NCKAP1: variants seen among roughly 807,000 people sequenced by gnomAD.
The protein encoded by NCKAP1 is NCK associated protein 1.
A neutral mutation model predicts 151.2 loss-of-function variants in NCKAP1; 21 were observed. The observed-to-expected ratio is 0.14, with a 90% CI of 0.10 to 0.20. The LOEUF is 0.20. NCKAP1 is among the 10% of genes least tolerant of loss of function. The pLI is 1.00. For missense variants in NCKAP1, 933 were observed against 1,352.1 expected, an observed-to-expected ratio of 0.69 and a Z score of 4.86; for synonymous variants, 484 against 451.8, an observed-to-expected ratio of 1.07 and a Z score of -0.90.
At chr2:182,982,401 TAC>T (rs1394858664) in intron 12 of NCKAP1, among the ~76,000 whole-genome samples, 4 of 152,114 alleles carry the variant, frequency 2.6e-5, no homozygotes, top group African/African-American at 9.7e-5. Context: ...GTGCACAACT[TAC>T]AGTGATTTGG....
chr2:183,003,139 T>C, intron 3 of NCKAP1, 94 bp downstream of exon 3: 1 of 1,284,590 alleles, frequency 7.8e-7, no homozygotes, highest in Non-Finnish European at 1.1e-6. Flanking sequence ...AGAATTTCAA[T>C]TTTATTATTT....
chr2:183,034,717 T>C (rs994322895), intron 1 of NCKAP1, among the ~76,000 whole-genome samples: 3 of 152,182 alleles, frequency 2.0e-5, no homozygotes, highest in Non-Finnish European at 4.4e-5. Flanking sequence ...CTGTGAAGTA[T>C]GTAGGGCAGG....
intron 2 of NCKAP1, among the ~76,000 whole-genome samples, chr2:183,014,236 G>A (rs1698641964): frequency 6.6e-6 from 1 of 152,104 alleles, no homozygotes. Context: ...TGAATAATCA[G>A]TGGAGAATGT....
intron 9 of NCKAP1, among the ~76,000 whole-genome samples, chr2:182,988,038 T>A (rs1329868698): frequency 2.0e-5 from 3 of 152,220 alleles, no homozygotes; most frequent in Non-Finnish European, 4.4e-5. Flanking sequence ...CTAAGATGTA[T>A]GTATTTTTCT....
Position 182,986,227 on chromosome 2 carries a change from G to A in NCKAP1, c.948C>T (p.Gly316=). 1.9e-6 allele frequency: 3 copies of A among 1,612,450 alleles called. No homozygotes were observed. The highest frequency in any genetic ancestry group is 2.5e-6 in the Non-Finnish European group (3 of 1,178,738). Residue 316 remains glycine, a splice_region_variant and synonymous_variant, in exon 10 of 31, where the codon GGC becomes GGT. Coordinates refer to ENST00000361354, the MANE Select transcript of NCKAP1 (RefSeq NM_013436.5). ...AAEDLFVNIR[G]YNKRINDIRE... ...TTATGTCATTAATACGTTTATTATA[G>A]CTAGGTGCAAAAACAAATTAGAACG...
At chr2:182,998,508 A>G (rs1414297845) in intron 6 of NCKAP1, among the ~76,000 whole-genome samples, 1 of 152,064 alleles carries the variant, frequency 6.6e-6, no homozygotes, top group Non-Finnish European at 1.5e-5. Flanking sequence ...ATTTCTATAC[A>G]CTAATAACAT....
chr2:182,997,466 T>C (rs1187863275), intron 6 of NCKAP1, among the ~76,000 whole-genome samples: 1 of 152,196 alleles, frequency 6.6e-6, no homozygotes, highest in Non-Finnish European at 1.5e-5. Flanking sequence ...TTTCAAAGAA[T>C]TTTTTTATTT....
At chr2:182,928,692 C>T in intron 28 of NCKAP1, 91 bp downstream of exon 28, 1 of 803,484 alleles carries the variant, frequency 1.2e-6, no homozygotes, top group Admixed American at 2.8e-5. Context: ...GTTCCACTGC[C>T]AGTTAGTGGC....
chr2:182,950,273 C>T (rs1697187666), intron 23 of NCKAP1, among the ~76,000 whole-genome samples: 1 of 152,164 alleles, frequency 6.6e-6, no homozygotes, highest in Non-Finnish European at 1.5e-5. Context: ...TACCATGATA[C>T]TGTATCCATC....
intron 18 of NCKAP1, among the ~76,000 whole-genome samples, chr2:182,961,232 GTA>G (rs1198514038): frequency 6.6e-6 from 1 of 152,110 alleles, no homozygotes; most frequent in Non-Finnish European, 1.5e-5. Context: ...CCATTACTGG[GTA>G]TATACCCAAA....
intron 2 of NCKAP1, among the ~76,000 whole-genome samples, chr2:183,016,854 G>A (rs75498940): frequency 6.6e-6 from 1 of 152,126 alleles, no homozygotes; most frequent in Non-Finnish European, 1.5e-5. Flanking sequence ...ATCAATGTTT[G>A]GATTAACATG....
intron 26 of NCKAP1, among the ~76,000 whole-genome samples, chr2:182,931,983 T>C (rs75469879): frequency 0.027 from 4,032 of 152,146 alleles, 80 homozygotes; most frequent in Non-Finnish European, 0.04. Flanking sequence ...CAAGTATTAG[T>C]GAAGATGCAG....
intron 17 of NCKAP1, among the ~76,000 whole-genome samples, chr2:182,964,359 G>A (rs1321234795): frequency 1.3e-5 from 2 of 152,068 alleles, no homozygotes; most frequent in Non-Finnish European, 2.9e-5. Flanking sequence ...TTCCATGACA[G>A]TTTAAGAGGA....
chr2:183,020,809 G>A (rs545513469), intron 2 of NCKAP1, among the ~76,000 whole-genome samples: 1 of 152,192 alleles, frequency 6.6e-6, no homozygotes, highest in South Asian at 2.1e-4. Flanking sequence ...AATTCAATAA[G>A]TTAAAAAATA....
intron 2 of NCKAP1, among the ~76,000 whole-genome samples, chr2:183,021,451 A>T (rs1240819153): frequency 1.3e-5 from 2 of 152,118 alleles, no homozygotes; most frequent in African/African-American, 4.8e-5. Context: ...AATTAAAAAA[A>T]ATTTTTAAAA....
At chr2:182,939,467 G>A (rs1696949536) in intron 24 of NCKAP1, among the ~76,000 whole-genome samples, 2 of 152,124 alleles carry the variant, frequency 1.3e-5, no homozygotes, top group Admixed American at 6.5e-5. Context: ...GGTGGAGGTT[G>A]CAGTGAGCTG....
chr2:182,965,758 T>A (rs1434453683), intron 16 of NCKAP1, among the ~76,000 whole-genome samples: 1 of 152,232 alleles, frequency 6.6e-6, no homozygotes, highest in Admixed American at 6.5e-5. Context: ...ATTGTTGTAT[T>A]CTTCTTTTGG....
chr2:182,963,892 T>C (rs554966456), intron 17 of NCKAP1, among the ~76,000 whole-genome samples: 43 of 152,218 alleles, frequency 2.8e-4, no homozygotes, highest in African/African-American at 9.9e-4. Flanking sequence ...AACTTCTGTC[T>C]CAAAGTTGGC....
At chr2:182,949,725 G>A (rs945817742) in intron 23 of NCKAP1, among the ~76,000 whole-genome samples, 4 of 152,336 alleles carry the variant, frequency 2.6e-5, no homozygotes, top group East Asian at 1.9e-4. Context: ...GCCCAGGGGG[G>A]CCAAGCTGGC....
Sources: gnomAD v4.1 joint callset for allele counts (sites outside exome capture counted in the v4.1 genomes callset) on GRCh38, gnomAD v4.1.1 for gene constraint, MANE v1.5 for transcripts, NCBI Gene and HGNC (gene_info 2026-07-23, HGNC 2026-07-21) for gene names.